The following TJP1 variants were observed in gnomAD, a reference collection of about 807,000 sequenced individuals.
The protein encoded by TJP1 is tight junction protein ZO-1.
In TJP1, 43 loss-of-function variants were observed where a neutral mutation model predicts 194.2. That is an observed-to-expected ratio of 0.22 (90% CI 0.17 to 0.29). TJP1 has a LOEUF of 0.29. TJP1 is among the 10% of genes least tolerant of loss of function. The pLI is 1.00. For synonymous variants in TJP1, 801 were observed against 779.0 expected, an observed-to-expected ratio of 1.03 and a Z score of -0.47; for missense variants, 1,971 against 2,185.7, an observed-to-expected ratio of 0.90 and a Z score of 1.96.
intron 1 of TJP1, among the ~76,000 whole-genome samples, chr15:29,811,437 G>T (rs1277382622): frequency 4.0e-5 from 6 of 148,450 alleles, no homozygotes; most frequent in Non-Finnish European, 8.9e-5. Context: ...GTGGGGGTGG[G>T]GGGGTGGTGG....
intron 2 of TJP1, among the ~76,000 whole-genome samples, chr15:29,796,875 T>A (rs1207684617): frequency 6.6e-6 from 1 of 152,124 alleles, no homozygotes; most frequent in East Asian, 1.9e-4. Context: ...GTCAATTGAT[T>A]TTTGACAAAG....
chr15:29,894,411 A>AT (rs1357319721), intron 2 of TJP1, among the ~76,000 whole-genome samples: 2 of 152,238 alleles, frequency 1.3e-5, no homozygotes, highest in East Asian at 3.8e-4. Context: ...GTGAGCCAAC[A>AT]TCACGCCACT....
intron 1 of TJP1, chr15:29,821,427 A>G (rs893212958): frequency 2.0e-5 from 3 of 152,236 alleles, no homozygotes; most frequent in Non-Finnish European, 2.9e-5. Context: ...TTAAATAAGT[A>G]ATACAGCATG....
chr15:29,928,802 C>T (rs758970711), intron 2 of TJP1, among the ~76,000 whole-genome samples: 19 of 151,988 alleles, frequency 1.3e-4, no homozygotes, highest in Non-Finnish European at 2.1e-4. Context: ...ATTAGCTGGG[C>T]GTGGTGGTGG....
chr15:29,731,477 A>C (rs1187252350), intron 15 of TJP1, among the ~76,000 whole-genome samples: 5 of 152,218 alleles, frequency 3.3e-5, no homozygotes, highest in Non-Finnish European at 1.5e-5. Flanking sequence ...TCAAAAGAGC[A>C]GTGGTTCCAT....
intron 1 of TJP1, among the ~76,000 whole-genome samples, chr15:29,956,640 G>C (rs1202610433): frequency 6.6e-6 from 1 of 152,200 alleles, no homozygotes; most frequent in Non-Finnish European, 1.5e-5. Context: ...AGTACTTTCA[G>C]TGGCCAAGGC....
At chr15:29,883,034 CA>C (rs1275506343) in intron 2 of TJP1, among the ~76,000 whole-genome samples, 2 of 152,124 alleles carry the variant, frequency 1.3e-5, no homozygotes, top group African/African-American at 4.8e-5. Flanking sequence ...ACCTAATTAA[CA>C]GGGAAAAAAA....
At chr15:29,749,466 G>A (rs1453115562) in intron 8 of TJP1, among the ~76,000 whole-genome samples, 3 of 152,152 alleles carry the variant, frequency 2.0e-5, no homozygotes, top group African/African-American at 7.2e-5. Context: ...ATTTAGTAGA[G>A]GCAGAGGGCA....
chr15:29,765,422 A>G (rs8034926), intron 5 of TJP1, among the ~76,000 whole-genome samples: 143,562 of 152,258 alleles, frequency 0.94, 67,888 homozygotes, highest in East Asian at 1. Context: ...ATGCCCACAG[A>G]AGGAGCAAGC....
chr15:29,918,925 G>A (rs532559938), intron 2 of TJP1, among the ~76,000 whole-genome samples: 1 of 152,144 alleles, frequency 6.6e-6, no homozygotes, highest in African/African-American at 2.4e-5. Context: ...AATAAACTAC[G>A]GGAGATATTT....
At chr15:29,900,353 T>C (rs1395406258) in intron 2 of TJP1, among the ~76,000 whole-genome samples, 2 of 152,126 alleles carry the variant, frequency 1.3e-5, no homozygotes, top group Non-Finnish European at 2.9e-5. Context: ...AGAAATAACA[T>C]AGTGCAGCTT....
intron 23 of TJP1, among the ~76,000 whole-genome samples, chr15:29,713,073 AATG>A (rs1431571628): frequency 6.6e-6 from 1 of 152,170 alleles, no homozygotes; most frequent in African/African-American, 2.4e-5. Flanking sequence ...TCTCTCATCT[AATG>A]ATGTCTCACA....
intron 8 of TJP1, among the ~76,000 whole-genome samples, chr15:29,753,838 AC>A (rs945825189): frequency 6.6e-5 from 10 of 151,912 alleles, no homozygotes; most frequent in African/African-American, 2.2e-4. Context: ...AAAAAAAAAA[AC>A]AAAGGTAAAG....
At chr15:29,961,659 C>T (rs571230254) in intron 1 of TJP1, among the ~76,000 whole-genome samples, 1 of 152,158 alleles carries the variant, frequency 6.6e-6, no homozygotes, top group African/African-American at 2.4e-5. Flanking sequence ...CCTACCCCTA[C>T]CGGATGAACA....
At chr15:29,917,051 C>T (rs1321289923) in intron 2 of TJP1, among the ~76,000 whole-genome samples, 1 of 152,174 alleles carries the variant, frequency 6.6e-6, no homozygotes, top group East Asian at 1.9e-4. Flanking sequence ...AGATTAAGGT[C>T]CATAAAGTAT....
At position 29,954,909 on chromosome 15, in the gene TJP1, T is replaced by C. The variant is rs370034062; in HGVS notation, c.306+1323A>G. ...GCCTGGCCAAGATGGTGAAACCCTG[T>C]CTCTACTAAAAATACAAAAAATTAC... On this transcript the variant is annotated intron_variant, in intron 2 of 28. Coordinates refer to the TJP1 transcript ENST00000356107. Among the ~76,000 whole-genome samples the C allele has an allele frequency of 3.4e-3, 519 of 152,168 alleles. 7 individuals carry two copies. In the South Asian group the frequency reaches 0.061, roughly 18 times the overall value.
chr15:29,781,526 G>GTTT, intron 2 of TJP1, among the ~76,000 whole-genome samples: 1 of 152,022 alleles, frequency 6.6e-6, no homozygotes. Flanking sequence ...CAAAACTTCA[G>GTTT]GCAAATTATC....
chr15:29,762,962 C>A (rs2046102468), intron 5 of TJP1, among the ~76,000 whole-genome samples: 1 of 152,090 alleles, frequency 6.6e-6, no homozygotes, highest in African/African-American at 2.4e-5. Context: ...AAAGATTGAC[C>A]ATTTTATTGA....
At chr15:29,941,817 C>T (rs1030261475) in intron 2 of TJP1, among the ~76,000 whole-genome samples, 2 of 152,024 alleles carry the variant, frequency 1.3e-5, no homozygotes, top group Non-Finnish European at 1.5e-5. Flanking sequence ...ATGACAATGG[C>T]GTGCATGCGT....
Sources: allele counts gnomAD v4.1 joint callset (sites outside exome capture counted in the v4.1 genomes callset), GRCh38; gene constraint gnomAD v4.1.1; transcripts MANE v1.5; gene names NCBI Gene and HGNC (gene_info 2026-07-23, HGNC 2026-07-21).